FANCM: variants seen among roughly 807,000 people sequenced by gnomAD.
The protein encoded by FANCM is Fanconi anemia group M protein.
Under a neutral mutation model 199.5 loss-of-function variants are expected in FANCM, and 140 were observed. The ratio of observed to expected loss-of-function variants is 0.70; its 90% CI spans 0.61 to 0.81. FANCM has a LOEUF of 0.81. Among genes scored for constraint, FANCM ranks in the 30% least tolerant of loss-of-function variants. The pLI, the probability that FANCM is intolerant of heterozygous loss-of-function variation, is 0.00. For synonymous variants in FANCM, 840 were observed against 836.8 expected, an observed-to-expected ratio of 1.00 and a Z score of -0.07; for missense variants, 2,410 against 2,421.4, an observed-to-expected ratio of 1.00 and a Z score of 0.10.
At chr14:45,161,823 T>C (rs1196544664) in intron 9 of FANCM, among the ~76,000 whole-genome samples, 2 of 151,978 alleles carry the variant, frequency 1.3e-5, no homozygotes, top group African/African-American at 4.8e-5. Flanking sequence ...AAGAATAAAC[T>C]GTAGGGGCTA....
chr14:45,159,160 T>C lies in FANCM; in HGVS notation c.1461T>C (p.Asp487=), dbSNP rs769291304. The change falls in exon 9 of 23, where the codon GAT becomes GAC. Residue 487 remains aspartate (D), a synonymous_variant. Transcript: ENST00000267430. ...TRVMIFSSFR[D]SVQEIAEMLS... is the part of the protein sequence containing the mutation. Reference sequence around the variant, plus strand: ...TTATGATCTTCTCTTCATTTCGAGATAGTGTTCAAGAAATTGCAGAAATGC... The same window carrying C: ...TTATGATCTTCTCTTCATTTCGAGACAGTGTTCAAGAAATTGCAGAAATGC... 3 of 1,613,252 alleles carry C rather than the reference T, an allele frequency of 1.9e-6. No homozygotes were observed. The highest frequency in any genetic ancestry group is 4.5e-5 in the East Asian group (2 of 44,860).
At chr14:45,138,678 T>C (rs967219246) in intron 2 of FANCM, among the ~76,000 whole-genome samples, 1 of 152,200 alleles carries the variant, frequency 6.6e-6, no homozygotes, top group African/African-American at 2.4e-5. Flanking sequence ...TTTTGAAGAT[T>C]TAGCTGGTAA....
chr14:45,160,530 T>C (rs1444310686), intron 9 of FANCM, among the ~76,000 whole-genome samples: 1 of 150,082 alleles, frequency 6.7e-6, no homozygotes, highest in Non-Finnish European at 1.5e-5. Flanking sequence ...TTCACCATGT[T>C]GGTCAGGTAT....
intron 20 of FANCM, chr14:45,195,398 C>T (rs560866835): frequency 2.3e-5 from 9 of 389,040 alleles, no homozygotes; most frequent in South Asian, 9.4e-5. Flanking sequence ...AGATTGAGAA[C>T]TACTTTTTCC....
rs188626428 is a variant in FANCM, at chr14:45,159,021, G to A, written c.1397-75G>A. 1,140 of 916,336 alleles carry A rather than the reference G, an allele frequency of 1.2e-3. 15 individuals carry two copies. In the Admixed American group the frequency reaches 0.024, roughly 20 times the overall value. The allele number at this position is 916,336 out of a possible 1,614,324, so 56.8% of individuals were successfully genotyped here. On this transcript the variant is annotated intron_variant, in intron 8 of 22. Coordinates refer to ENST00000267430, the MANE Select transcript of FANCM (RefSeq NM_020937.4). The stretch of plus-strand genomic sequence containing the variant: ...CATTCGTTAGCATTAACACTTTCAG[G>A]TTTGTCTTTTGAACTATTTCTTGTC...
chr14:45,171,488 C>G (rs749901114), intron 12 of FANCM, among the ~76,000 whole-genome samples: 12 of 152,040 alleles, frequency 7.9e-5, no homozygotes, highest in Admixed American at 2.0e-4. Flanking sequence ...TACTCTTCCC[C>G]CCGAGTCCAC....
chr14:45,156,282 G>A (rs547674066), intron 8 of FANCM, among the ~76,000 whole-genome samples: 1 of 152,172 alleles, frequency 6.6e-6, no homozygotes, highest in Non-Finnish European at 1.5e-5. Flanking sequence ...GTTAGATTGA[G>A]GCTACAAGTA....
intron 2 of FANCM, chr14:45,137,599 G>A (rs1372215759): frequency 3.5e-6 from 1 of 283,794 alleles, no homozygotes; most frequent in Non-Finnish European, 6.8e-6. Flanking sequence ...TGGATATGCG[G>A]TGTCTCTTCT....
chr14:45,174,670 G>A (rs192628962), intron 13 of FANCM, among the ~76,000 whole-genome samples: 5 of 152,200 alleles, frequency 3.3e-5, no homozygotes, highest in Admixed American at 1.3e-4. Context: ...GTCATTGAAA[G>A]AGTAAATTTA....
rs577959991 is a variant in FANCM at position 45,180,936 on chromosome 14, T to G, written c.4223-494T>G. On this transcript the variant is annotated intron_variant, in intron 14 of 22. Coordinates refer to ENST00000267430, the MANE Select transcript of FANCM (RefSeq NM_020937.4). ...TTACAACATTTTGTATTGAATTGTA[T>G]CTTACCAATTTTTATTTCATGTACA... 3 of 171,810 alleles carry G rather than the reference T, an allele frequency of 1.7e-5. No homozygotes were observed. The South Asian group carries it at 4.2e-4, about 24-fold the overall frequency. The allele number at this position is 171,810 out of a possible 1,614,324, so 10.6% of individuals were successfully genotyped here.
chr14:45,182,148 G>C (rs566658132), intron 16 of FANCM, among the ~76,000 whole-genome samples: 1 of 152,154 alleles, frequency 6.6e-6, no homozygotes, highest in South Asian at 2.1e-4. Flanking sequence ...CCTTAACCTC[G>C]ATCTCGGGAG....
At chr14:45,143,884 G>C (rs1197672821) in intron 3 of FANCM, among the ~76,000 whole-genome samples, 2 of 151,466 alleles carry the variant, frequency 1.3e-5, no homozygotes, top group Admixed American at 1.3e-4. Flanking sequence ...AGTGGAGACG[G>C]GGTTTCACCA....
At chr14:45,160,633 C>T (rs1887535867) in intron 9 of FANCM, among the ~76,000 whole-genome samples, 1 of 151,902 alleles carries the variant, frequency 6.6e-6, no homozygotes, top group Admixed American at 6.6e-5. Context: ...CAAGCTCCGC[C>T]TCCCGGGTTC....
In FANCM at chr14:45,196,320, G is replaced by C; in HGVS notation, c.5489G>C (p.Gly1830Ala). ...GTAGGTGGTCATGAAATCACTTCTGGATTAGAAGTAATTTCTTCCCTAAGA... is the reference window on the plus strand; with the variant it reads ...GTAGGTGGTCATGAAATCACTTCTGCATTAGAAGTAATTTCTTCCCTAAGA... The part of the protein sequence containing the change: ...ILVGGHEITS[G>A]LEVISSLRAI... The change falls in exon 21 of 23, where the codon GGA becomes GCA. Residue 1830 changes from glycine to alanine, a missense_variant. Coordinates refer to ENST00000267430, the MANE Select transcript of FANCM (RefSeq NM_020937.4). The C allele has an allele frequency of 6.2e-7, 1 of 1,613,912 alleles. No homozygotes were observed. The highest frequency in any genetic ancestry group is 1.1e-5 in the South Asian group (1 of 91,076).
At chr14:45,190,834 A>G (rs2139303177) in intron 20 of FANCM, among the ~76,000 whole-genome samples, 1 of 151,802 alleles carries the variant, frequency 6.6e-6, no homozygotes, top group South Asian at 2.1e-4. Flanking sequence ...CATTTCTTTG[A>G]GTTTCAATAT....
chr14:45,153,204 G>C (rs1886944991), intron 5 of FANCM, among the ~76,000 whole-genome samples: 1 of 152,176 alleles, frequency 6.6e-6, no homozygotes, highest in Non-Finnish European at 1.5e-5. Context: ...ATTTTTCCAT[G>C]AGAGTAGTGG....
At chr14:45,182,633 A>G (rs1889142079) in intron 16 of FANCM, among the ~76,000 whole-genome samples, 1 of 152,198 alleles carries the variant, frequency 6.6e-6, no homozygotes, top group South Asian at 2.1e-4. Context: ...GATACTCACC[A>G]GTTTATAGCT....
intron 5 of FANCM, among the ~76,000 whole-genome samples, chr14:45,151,860 G>A (rs1439774546): frequency 6.7e-6 from 1 of 149,008 alleles, no homozygotes; most frequent in African/African-American, 2.5e-5. Flanking sequence ...GCTGCAGTGA[G>A]CTGTGATTGC....
intron 21 of FANCM, among the ~76,000 whole-genome samples, chr14:45,197,150 TA>T (rs1208461272): frequency 1.3e-5 from 2 of 151,942 alleles, no homozygotes; most frequent in Admixed American, 1.3e-4. Context: ...TCAAGAACAG[TA>T]AAAAGATCAT....
Sources: gnomAD v4.1 joint callset for allele counts (sites outside exome capture counted in the v4.1 genomes callset) on GRCh38, gnomAD v4.1.1 for gene constraint, MANE v1.5 for transcripts, NCBI Gene and HGNC (gene_info 2026-07-23, HGNC 2026-07-21) for gene names.